Variants in SGMS1 observed in about 807,000 individuals in gnomAD.
SGMS1 encodes phosphatidylcholine:ceramide cholinephosphotransferase 1.
A neutral mutation model predicts 46.2 loss-of-function variants in SGMS1; 13 were observed. The observed-to-expected ratio is 0.28, with a 90% CI of 0.18 to 0.45. SGMS1 has a LOEUF of 0.45. SGMS1 is among the 20% of genes least tolerant of loss of function. The pLI, the probability that SGMS1 is intolerant of heterozygous loss-of-function variation, is 1.00. For synonymous variants in SGMS1, 203 were observed against 187.8 expected, an observed-to-expected ratio of 1.08 and a Z score of -0.66; for missense variants, 324 against 519.9, an observed-to-expected ratio of 0.62 and a Z score of 3.66.
At chr10:50,560,251 T>C (rs1427870553) in intron 2 of SGMS1, among the ~76,000 whole-genome samples, 3 of 142,348 alleles carry the variant, frequency 2.1e-5, no homozygotes, top group Non-Finnish European at 4.5e-5. Context: ...TTATGTAATA[T>C]ACATAATATC....
At chr10:50,502,973 T>C (rs11005959) in intron 3 of SGMS1, among the ~76,000 whole-genome samples, 32,195 of 152,104 alleles carry the variant, frequency 0.21, 3,400 homozygotes, top group Admixed American at 0.25. Flanking sequence ...AAATATCATA[T>C]GAAACCATGA....
At chr10:50,504,971 G>A (rs1418929995) in intron 3 of SGMS1, among the ~76,000 whole-genome samples, 1 of 152,158 alleles carries the variant, frequency 6.6e-6, no homozygotes, top group Non-Finnish European at 1.5e-5. Flanking sequence ...TGTAACCCCA[G>A]TACTTTGGGA....
At chr10:50,540,136 G>T (rs577999832) in intron 2 of SGMS1, among the ~76,000 whole-genome samples, 2 of 152,298 alleles carry the variant, frequency 1.3e-5, no homozygotes, top group African/African-American at 4.8e-5. Flanking sequence ...GGCATGAAAA[G>T]TTTATGCAAC....
At chr10:50,409,698 T>C (rs1849070387) in intron 6 of SGMS1, among the ~76,000 whole-genome samples, 1 of 152,092 alleles carries the variant, frequency 6.6e-6, no homozygotes, top group African/African-American at 2.4e-5. Flanking sequence ...ATAGATAACT[T>C]CAGGAAACTC....
At chr10:50,577,410 G>A (rs1405570228) in intron 2 of SGMS1, among the ~76,000 whole-genome samples, 1 of 152,104 alleles carries the variant, frequency 6.6e-6, no homozygotes, top group Non-Finnish European at 1.5e-5. Context: ...CATAAAAAAA[G>A]TATAGAGAAA....
At chr10:50,347,002 C>T (rs1847924394) in intron 6 of SGMS1, among the ~76,000 whole-genome samples, 1 of 152,156 alleles carries the variant, frequency 6.6e-6, no homozygotes, top group East Asian at 1.9e-4. Context: ...CTCAGTTTTT[C>T]AGTCCATATA....
chr10:50,606,113 G>C (rs1307401126), intron 1 of SGMS1, among the ~76,000 whole-genome samples: 1 of 152,136 alleles, frequency 6.6e-6, no homozygotes, highest in Non-Finnish European at 1.5e-5. Context: ...ACAGATGAAT[G>C]GATAAACAAA....
intron 2 of SGMS1, among the ~76,000 whole-genome samples, chr10:50,554,952 T>C (rs1445632140): frequency 2.0e-5 from 3 of 152,240 alleles, no homozygotes; most frequent in Non-Finnish European, 4.4e-5. Context: ...TGCTGGGAGA[T>C]GCCTGAGAGG....
intron 1 of SGMS1, among the ~76,000 whole-genome samples, chr10:50,612,935 C>G (rs61858145): frequency 0.25 from 37,285 of 152,170 alleles, 5,050 homozygotes; most frequent in Middle Eastern, 0.34. Context: ...TCTCGAATTC[C>G]TGACCTCATA....
At chr10:50,502,318 A>AC (rs1406227740) in intron 3 of SGMS1, among the ~76,000 whole-genome samples, 1 of 151,298 alleles carries the variant, frequency 6.6e-6, no homozygotes, top group African/African-American at 2.4e-5. Flanking sequence ...AAAAAAAAAA[A>AC]AAAAACCAGC....
chr10:50,432,989 T>C (rs1849424290), intron 6 of SGMS1, among the ~76,000 whole-genome samples: 2 of 152,154 alleles, frequency 1.3e-5, no homozygotes, highest in African/African-American at 4.8e-5. Context: ...CTGATGTACA[T>C]AAAAGTAGCA....
At chr10:50,484,064 G>C (rs1427832320) in intron 3 of SGMS1, among the ~76,000 whole-genome samples, 2 of 151,948 alleles carry the variant, frequency 1.3e-5, no homozygotes, top group Non-Finnish European at 2.9e-5. Context: ...GAAGGAGATA[G>C]AGATGCAAAA....
At chr10:50,381,768 G>T (rs184143678) in intron 6 of SGMS1, among the ~76,000 whole-genome samples, 1,955 of 152,290 alleles carry the variant, frequency 0.013, 30 homozygotes, top group Non-Finnish European at 0.02. Flanking sequence ...CTCGAAGGGT[G>T]GCCTGGCACA....
chr10:50,389,541 T>TGA (rs1848734016), intron 6 of SGMS1, among the ~76,000 whole-genome samples: 1 of 152,190 alleles, frequency 6.6e-6, no homozygotes, highest in Admixed American at 6.5e-5. Context: ...CCAGCAAGGC[T>TGA]GAGACTAGGC....
chr10:50,499,288 A>G (rs767455443), intron 3 of SGMS1, among the ~76,000 whole-genome samples: 4 of 152,208 alleles, frequency 2.6e-5, no homozygotes, highest in Non-Finnish European at 4.4e-5. Context: ...TGGAGCTATG[A>G]ATATCCATTT....
rs11005443 is a variant in SGMS1 at position 50,387,298 on chromosome 10, G to A, written c.-231-42953C>T. On this transcript the variant is annotated intron_variant, in intron 6 of 10. Coordinates refer to ENST00000361781, the MANE Select transcript of SGMS1 (RefSeq NM_147156.4). Reference sequence around the variant, plus strand: ...GGGGGTTCTTTCAGAGACTTCCCCTGCTCACTCCCTATCCCAGGTCAAAAA... The same window carrying A: ...GGGGGTTCTTTCAGAGACTTCCCCTACTCACTCCCTATCCCAGGTCAAAAA... Among the ~76,000 whole-genome samples, 5 of 152,248 alleles carry A rather than the reference G, an allele frequency of 3.3e-5. No homozygotes were observed. In the East Asian group the frequency reaches 9.7e-4, roughly 29 times the overall value.
intron 3 of SGMS1, among the ~76,000 whole-genome samples, chr10:50,496,377 A>T (rs1837615342): frequency 1.3e-5 from 2 of 152,212 alleles, no homozygotes; most frequent in African/African-American, 2.4e-5. Flanking sequence ...AAGGGACTGT[A>T]TGAACCTATT....
intron 2 of SGMS1, among the ~76,000 whole-genome samples, chr10:50,559,785 T>C (rs1158841831): frequency 3.3e-5 from 5 of 152,166 alleles, no homozygotes; most frequent in African/African-American, 9.7e-5. Context: ...ATATACATCA[T>C]TGATGTCCCA....
intron 2 of SGMS1, among the ~76,000 whole-genome samples, chr10:50,585,595 C>G (rs369247055): frequency 6.6e-6 from 1 of 152,190 alleles, no homozygotes; most frequent in African/African-American, 2.4e-5. Flanking sequence ...CACGGAAATG[C>G]GCTACCTGCA....
Sources: gnomAD v4.1 joint callset for allele counts (sites outside exome capture counted in the v4.1 genomes callset) on GRCh38, gnomAD v4.1.1 for gene constraint, MANE v1.5 for transcripts, NCBI Gene and HGNC (gene_info 2026-07-23, HGNC 2026-07-21) for gene names.